The following MYB variants were observed in gnomAD, a reference collection of about 807,000 sequenced individuals.
MYB encodes MYB proto-oncogene, transcription factor.
MYB carries 28 observed loss-of-function variants against 92.9 expected under a neutral mutation model. The observed-to-expected ratio is 0.30, with a 90% CI of 0.22 to 0.41. The LOEUF is 0.41. Among genes scored for constraint, MYB ranks in the 10% least tolerant of loss-of-function variants. The pLI is 1.00. For synonymous variants in MYB, 295 were observed against 329.1 expected (o/e 0.90, Z 1.12); for missense variants, 679 against 929.3 (o/e 0.73, Z 3.50).
At chr6:135,200,453 TC>T in intron 13 of MYB, 38 bp downstream of exon 13, 1 of 1,613,036 alleles carries the variant, frequency 6.2e-7, no homozygotes, top group Admixed American at 1.7e-5. Flanking sequence ...AAGCTGAGAA[TC>T]CTGCCCCCTT....
chr6:135,213,810 C>T (rs772501812), intron 15 of MYB, among the ~76,000 whole-genome samples: 19 of 152,038 alleles, frequency 1.2e-4, no homozygotes, highest in South Asian at 2.1e-4. Context: ...ACTTTAACCC[C>T]GGATATGGAG....
intron 15 of MYB, among the ~76,000 whole-genome samples, chr6:135,212,224 C>CTTTTTT (rs545704827): frequency 0.021 from 693 of 32,922 alleles, 13 homozygotes; most frequent in South Asian, 0.025. Flanking sequence ...TTTGGTTTTA[C>CTTTTTT]TTTTTTTTTT....
At chr6:135,204,821 A>G (rs9483799) in intron 15 of MYB, among the ~76,000 whole-genome samples, 9,982 of 152,176 alleles carry the variant, frequency 0.066, 1,083 homozygotes, top group African/African-American at 0.22. Flanking sequence ...AGAATACCAC[A>G]AAGAGGCCAG....
intron 3 of MYB, among the ~76,000 whole-genome samples, chr6:135,188,531 A>G (rs1390751575): frequency 1.5e-5 from 2 of 130,466 alleles, no homozygotes; most frequent in East Asian, 2.2e-4. Flanking sequence ...GTTTTTTGAG[A>G]TGGAATCTAG....
chr6:135,196,824 A>G (rs888286775), intron 9 of MYB, 137 bp from the exon 10 acceptor site: 62 of 1,584,020 alleles, frequency 3.9e-5, no homozygotes, highest in Admixed American at 8.7e-5. Flanking sequence ...GCAACTGCTC[A>G]TCTTGAAGCT....
chr6:135,195,694 C>G, intron 8 of MYB, 54 bp from the exon 9 acceptor site: 1 of 1,587,654 alleles, frequency 6.3e-7, no homozygotes, highest in Non-Finnish European at 8.6e-7. Flanking sequence ...TGCTAAGTTC[C>G]TTCTCCCTTT....
At chr6:135,188,036 C>T in intron 3 of MYB, 131 bp downstream of exon 3, 3 of 437,634 alleles carry the variant, frequency 6.9e-6, no homozygotes, top group Non-Finnish European at 1.2e-5. Context: ...ATGCCCTACC[C>T]ATAACTTATA....
At chr6:135,211,332 A>C (rs922874657) in intron 15 of MYB, among the ~76,000 whole-genome samples, 3 of 151,686 alleles carry the variant, frequency 2.0e-5, no homozygotes, top group Non-Finnish European at 4.4e-5. Flanking sequence ...AATGTTATAA[A>C]TTAAGCAGCT....
intron 14 of MYB, chr6:135,202,288 G>A (rs1322445447): frequency 6.5e-6 from 1 of 153,072 alleles, no homozygotes; most frequent in Non-Finnish European, 1.5e-5. Context: ...GTACTAAGTG[G>A]TAAGTACTGC....
intron 2 of MYB, 128 bp downstream of exon 2, chr6:135,186,148 A>C: frequency 1.4e-6 from 1 of 708,524 alleles, no homozygotes. Context: ...CCTAGCCCGC[A>C]TGTGCAGCGT....
chr6:135,216,140 G>T (rs1197861959), intron 15 of MYB, among the ~76,000 whole-genome samples: 1 of 152,098 alleles, frequency 6.6e-6, no homozygotes, highest in Non-Finnish European at 1.5e-5. Flanking sequence ...CTGGGGCACT[G>T]TGCTTTATGC....
At chr6:135,183,926 A>G (rs1381228342) in intron 1 of MYB, among the ~76,000 whole-genome samples, 1 of 152,194 alleles carries the variant, frequency 6.6e-6, no homozygotes, top group Non-Finnish European at 1.5e-5. Flanking sequence ...CTTGAGAGAG[A>G]GGAAGTGATT....
At chr6:135,203,392 T>C (rs773427050) in intron 15 of MYB, 68 bp downstream of exon 15, 3 of 1,252,150 alleles carry the variant, frequency 2.4e-6, no homozygotes, top group Admixed American at 3.6e-5. Context: ...TTGGTGGTGG[T>C]GGTGGTGGTG....
At chr6:135,196,289 G>A (rs975699242) in intron 9 of MYB, among the ~76,000 whole-genome samples, 3 of 150,780 alleles carry the variant, frequency 2.0e-5, no homozygotes, top group Non-Finnish European at 3.0e-5. Context: ...TTTAAAAATA[G>A]TCAGATTGAT....
intron 15 of MYB, among the ~76,000 whole-genome samples, chr6:135,215,399 CA>C (rs1780297687): frequency 6.6e-6 from 1 of 152,110 alleles, no homozygotes; most frequent in African/African-American, 2.4e-5. Flanking sequence ...TGGTACTCAC[CA>C]GGGGTGTGGT....
intron 15 of MYB, among the ~76,000 whole-genome samples, chr6:135,207,778 A>G (rs911527192): frequency 4.3e-5 from 6 of 139,092 alleles, no homozygotes; most frequent in Non-Finnish European, 6.1e-5. Flanking sequence ...TCTGTTGCCC[A>G]GGCTGGGGTG....
At chr6:135,204,155 G>A (rs976487540) in intron 15 of MYB, among the ~76,000 whole-genome samples, 4 of 152,156 alleles carry the variant, frequency 2.6e-5, no homozygotes, top group East Asian at 1.9e-4. Flanking sequence ...TAAATGGCAC[G>A]ATCATAGGAC....
chr6:135,195,260 G>T, intron 8 of MYB: 1 of 376,368 alleles, frequency 2.7e-6, no homozygotes, highest in Non-Finnish European at 4.7e-6. Context: ...CGTTGATTTG[G>T]CAGTGCTTCA....
chr6:135,193,827 T>A lies in MYB; in HGVS notation c.763-11T>A. ...GAATGACGTGGCCTTTGTTTTGTCT[T>A]TTGCATCTAGGTCTCCAGTCATGTT... On this transcript the variant is annotated splice_polypyrimidine_tract_variant and intron_variant, in intron 6 of 15. Coordinates refer to ENST00000341911, the MANE Select transcript of MYB (RefSeq NM_001130173.2). 1 of 1,602,284 alleles carries A rather than the reference T, an allele frequency of 6.2e-7. No homozygotes were observed. The highest frequency in any genetic ancestry group is 8.6e-7 in the Non-Finnish European group (1 of 1,169,408).
Sources: allele counts gnomAD v4.1 joint callset (sites outside exome capture counted in the v4.1 genomes callset), GRCh38; gene constraint gnomAD v4.1.1; transcripts MANE v1.5; gene names NCBI Gene and HGNC (gene_info 2026-07-23, HGNC 2026-07-21).